Variants in TADA2A observed in about 807,000 individuals in gnomAD.
TADA2A encodes transcriptional adapter 2-alpha.
A neutral mutation model predicts 67.4 loss-of-function variants in TADA2A; 38 were observed. The ratio of observed to expected loss-of-function variants is 0.56; its 90% CI spans 0.44 to 0.74. The LOEUF is 0.74. Ranked by LOEUF, TADA2A falls within the 30% of genes least tolerant of loss-of-function variation. TADA2A has a pLI of 0.00. For synonymous variants in TADA2A, 192 were observed against 181.6 expected (o/e 1.06, Z -0.46); for missense variants, 454 against 547.0 (o/e 0.83, Z 1.70).
At chr17:37,442,717 G>C (rs2052958990) in intron 7 of TADA2A, 65 bp downstream of exon 7, 4 of 1,480,194 alleles carry the variant, frequency 2.7e-6, no homozygotes, top group Non-Finnish European at 3.7e-6. Flanking sequence ...TGAGCCTTCT[G>C]TCTCACCCAT....
intron 8 of TADA2A, among the ~76,000 whole-genome samples, chr17:37,447,018 G>A (rs148978749): frequency 6.6e-6 from 1 of 152,022 alleles, no homozygotes; most frequent in Admixed American, 6.6e-5. Flanking sequence ...AGTTTCTATA[G>A]CCCTGTAAAT....
intron 11 of TADA2A, among the ~76,000 whole-genome samples, chr17:37,466,015 C>A (rs2053656934): frequency 6.6e-6 from 1 of 152,152 alleles, no homozygotes; most frequent in African/African-American, 2.4e-5. Flanking sequence ...AAAATGAGGA[C>A]AGAGATGGAT....
intron 8 of TADA2A, chr17:37,454,777 TA>T: frequency 2.5e-5 from 7 of 283,306 alleles, no homozygotes; most frequent in East Asian, 9.6e-5. Flanking sequence ...AACATGAAGT[TA>T]AAAAGGCTCA....
Position 37,426,949 on chromosome 17 carries a change from G to A in TADA2A, c.133-1G>A, listed in dbSNP as rs1355263602. The A allele has an allele frequency of 6.3e-7, 1 of 1,596,232 alleles. No individual in the cohort carries two copies. The highest frequency in any genetic ancestry group is 1.4e-5 in the African/African-American group (1 of 73,876). On this transcript the variant is annotated splice_acceptor_variant, in intron 3 of 15. Transcript: ENST00000615182. LOFTEE classifies it high-confidence loss of function. ...CTAATTTAATTTTTCTTTCTTTGCAGTGTTTCACTCGAGGCTTTGAGTACA... is the reference window on the plus strand; with the variant it reads ...CTAATTTAATTTTTCTTTCTTTGCAATGTTTCACTCGAGGCTTTGAGTACA...
At chr17:37,469,077 T>G (rs1169132513) in intron 12 of TADA2A, among the ~76,000 whole-genome samples, 1 of 151,818 alleles carries the variant, frequency 6.6e-6, no homozygotes, top group East Asian at 2.0e-4. Context: ...ATTTTTTTTT[T>G]TGTATTTTTA....
intron 8 of TADA2A, among the ~76,000 whole-genome samples, chr17:37,452,824 G>A (rs1178143986): frequency 6.6e-6 from 1 of 151,878 alleles, no homozygotes; most frequent in Non-Finnish European, 1.5e-5. Context: ...TCTTGGACCT[G>A]ACAGTATTGA....
At chr17:37,452,686 C>G (rs565742215) in intron 8 of TADA2A, among the ~76,000 whole-genome samples, 1 of 151,760 alleles carries the variant, frequency 6.6e-6, no homozygotes, top group Non-Finnish European at 1.5e-5. Flanking sequence ...AAAACAGTGA[C>G]AGGTATAGGC....
chr17:37,444,650 A>G (rs1283553599), intron 7 of TADA2A, 46 bp from the exon 8 acceptor site: 1 of 1,539,254 alleles, frequency 6.5e-7, no homozygotes, highest in African/African-American at 1.4e-5. Flanking sequence ...GACACTAATC[A>G]AAGCCGATGG....
At chr17:37,411,120 C>T in intron 1 of TADA2A, 149 bp from the exon 2 acceptor site, 1 of 576,900 alleles carries the variant, frequency 1.7e-6, no homozygotes, top group Non-Finnish European at 3.1e-6. Context: ...ATACCCACTA[C>T]AGAGGAAGAA....
intron 12 of TADA2A, 68 bp from the exon 13 acceptor site, chr17:37,470,332 G>T (rs966220960): frequency 6.3e-7 from 1 of 1,578,302 alleles, no homozygotes; most frequent in Non-Finnish European, 8.6e-7. Context: ...CCGGTTTCTT[G>T]GTCAGTTAGG....
chr17:37,419,859 T>C lies in TADA2A; in HGVS notation c.26-3650T>C, dbSNP rs554459027. ...TGAAACCCTGTCTCTACTAAAAATA[T>C]AAAAAATTAGCCAGTCGTGGTGGTG... On this transcript the variant is annotated intron_variant, in intron 2 of 15. Transcript: ENST00000615182. Among the ~76,000 whole-genome samples the C allele has an allele frequency of 6.2e-5, 9 of 144,002 alleles. 1 individual carries two copies. The South Asian group carries it at 1.8e-3, about 29-fold the overall frequency. The allele number at this position is 144,002 out of a possible 152,430, so 94.5% of individuals were successfully genotyped here.
intron 3 of TADA2A, 196 bp from the exon 4 acceptor site, chr17:37,426,754 A>G (rs1266135594): frequency 4.3e-6 from 2 of 463,812 alleles, no homozygotes; most frequent in Non-Finnish European, 7.5e-6. Flanking sequence ...CTGAGGTACA[A>G]GGATCCCTTG....
At chr17:37,408,886 C>A (rs2051764755) in intron 1 of TADA2A, among the ~76,000 whole-genome samples, 1 of 152,128 alleles carries the variant, frequency 6.6e-6, no homozygotes, top group Admixed American at 6.6e-5. Flanking sequence ...AGAAATGTTG[C>A]CCACACTTAG....
chr17:37,412,132 A>G (rs2051895107), intron 2 of TADA2A, among the ~76,000 whole-genome samples: 1 of 151,174 alleles, frequency 6.6e-6, no homozygotes, highest in African/African-American at 2.4e-5. Context: ...AATGGCATGA[A>G]CCCGGGAGGC....
chr17:37,416,482 T>C (rs1035424138), intron 2 of TADA2A, among the ~76,000 whole-genome samples: 1 of 152,172 alleles, frequency 6.6e-6, no homozygotes, highest in Non-Finnish European at 1.5e-5. Context: ...TTACTTTCCT[T>C]ATGGTGTTTT....
chr17:37,422,395 G>A (rs1391463773), intron 2 of TADA2A, among the ~76,000 whole-genome samples: 1 of 150,972 alleles, frequency 6.6e-6, no homozygotes, highest in Non-Finnish European at 1.5e-5. Flanking sequence ...TGCCCAGGCT[G>A]GTCTCAAACT....
chr17:37,441,462 CT>C (rs2052914880), intron 6 of TADA2A, among the ~76,000 whole-genome samples: 1 of 152,114 alleles, frequency 6.6e-6, no homozygotes, highest in African/African-American at 2.4e-5. Flanking sequence ...TGATGGCGAA[CT>C]TTTTAATCTC....
At chr17:37,455,616 T>C (rs2053370443) in intron 8 of TADA2A, among the ~76,000 whole-genome samples, 1 of 152,062 alleles carries the variant, frequency 6.6e-6, no homozygotes, top group African/African-American at 2.4e-5. Flanking sequence ...CTCCTGACCT[T>C]GTGACCCACC....
At chr17:37,437,109 G>T (rs945689570) in intron 4 of TADA2A, among the ~76,000 whole-genome samples, 1 of 147,018 alleles carries the variant, frequency 6.8e-6, no homozygotes, top group Non-Finnish European at 1.5e-5. Context: ...TTTTTGAAAC[G>T]GAGTCTTGCT....
Sources: allele counts gnomAD v4.1 joint callset (sites outside exome capture counted in the v4.1 genomes callset), GRCh38; gene constraint gnomAD v4.1.1; transcripts MANE v1.5; gene names NCBI Gene and HGNC (gene_info 2026-07-23, HGNC 2026-07-21).